MAD1L1: variants seen among roughly 807,000 people sequenced by gnomAD.
MAD1L1 encodes the protein mitotic arrest deficient 1 like 1, also known as mitotic spindle assembly checkpoint protein MAD1.
A neutral mutation model predicts 96.9 loss-of-function variants in MAD1L1; 95 were observed. The ratio of observed to expected loss-of-function variants is 0.98; its 90% CI spans 0.83 to 1.16. The LOEUF (loss-of-function observed/expected upper bound fraction) is 1.16, where lower values mean the gene tolerates loss of function less well. Ranked by LOEUF, MAD1L1 falls within the 50% of genes most tolerant of loss-of-function variation. MAD1L1 has a pLI of 0.00. For missense variants in MAD1L1, 1,007 were observed against 954.4 expected (o/e 1.06, Z -0.73); for synonymous variants, 473 against 396.6 (o/e 1.19, Z -2.29).
Position 1,839,356 on chromosome 7 carries a change from G to T in MAD1L1, c.1999-23128C>A, listed in dbSNP as rs142878189. Among the ~76,000 whole-genome samples, 160 of 59,028 alleles carry T rather than the reference G, an allele frequency of 2.7e-3. 1 individual carries two copies. Among genetic ancestry groups the T allele is most frequent in the African/African-American group, 9.0e-3 (150 of 16,736 alleles). 38.7% of individuals were successfully genotyped at this position (59,028 alleles called of 152,430 possible). On this transcript the variant is annotated intron_variant, in intron 18 of 18. Coordinates refer to ENST00000265854, the MANE Select transcript of MAD1L1 (RefSeq NM_001013836.2). ...AAAGCGTCCTGCCCCCTGCCTGGCA[G>T]GAAAGCGTCCTGCCCCCTGCCTGGC...
At chr7:2,216,359 A>T in intron 7 of MAD1L1, 72 bp from the exon 8 acceptor site, 1 of 1,500,646 alleles carries the variant, frequency 6.7e-7, no homozygotes, top group Non-Finnish European at 9.0e-7. Flanking sequence ...TCACACGCAC[A>T]CGGCTAAGAG....
chr7:1,911,912 G>A (rs773664515), intron 17 of MAD1L1, among the ~76,000 whole-genome samples: 4 of 152,262 alleles, frequency 2.6e-5, no homozygotes, highest in Non-Finnish European at 4.4e-5. Context: ...CACTGTGTGA[G>A]CTGCCTGAAG....
chr7:2,230,466 T>A (rs1794138229), intron 2 of MAD1L1, 83 bp downstream of exon 2: 1 of 256,982 alleles, frequency 3.9e-6, no homozygotes, highest in Non-Finnish European at 7.7e-6. Context: ...AACTGCACTG[T>A]AAGAGGGTTC....
At chr7:1,950,081 G>A (rs917781955) in intron 16 of MAD1L1, among the ~76,000 whole-genome samples, 17 of 36,252 alleles carry the variant, frequency 4.7e-4, no homozygotes, top group Non-Finnish European at 2.4e-3. Context: ...ACTACTAGAC[G>A]ATCTCTAGAC....
At chr7:1,946,796 G>A (rs1048232048) in intron 16 of MAD1L1, among the ~76,000 whole-genome samples, 1 of 152,264 alleles carries the variant, frequency 6.6e-6, no homozygotes, top group Non-Finnish European at 1.5e-5. Context: ...AAGCGGTCTT[G>A]GAGGGGTCTG....
intron 10 of MAD1L1, among the ~76,000 whole-genome samples, chr7:2,196,039 C>A (rs932947641): frequency 6.6e-6 from 1 of 152,232 alleles, no homozygotes; most frequent in Admixed American, 6.5e-5. Flanking sequence ...CACCATGTGG[C>A]CAGCCAGATG....
In MAD1L1 at chr7:2,114,420, C is replaced by G. The variant is rs1334683838; in HGVS notation, c.1073+34732G>C. ...GCCAACACCAGAGGACGCCATCCTCCTTAAGGCCACAAAGTGTATGGTCCT... is the reference window on the plus strand; with the variant it reads ...GCCAACACCAGAGGACGCCATCCTCGTTAAGGCCACAAAGTGTATGGTCCT... On this transcript the variant is annotated intron_variant, in intron 11 of 18. Transcript: ENST00000265854. The surrounding 1 kb of genome is among the most constrained non-coding windows in gnomAD (Gnocchi z 4.2). Among the ~76,000 whole-genome samples, 1 of 152,226 alleles carries G rather than the reference C, an allele frequency of 6.6e-6. No individual in the cohort carries two copies. Among genetic ancestry groups the G allele is most frequent in the Non-Finnish European group, 1.5e-5 (1 of 68,036 alleles).
chr7:2,022,349 TA>T (rs1175011188), intron 12 of MAD1L1, among the ~76,000 whole-genome samples: 1 of 152,180 alleles, frequency 6.6e-6, no homozygotes, highest in Non-Finnish European at 1.5e-5. Context: ...AACTCTAGGA[TA>T]ATTCTGTGCT....
intron 11 of MAD1L1, among the ~76,000 whole-genome samples, chr7:2,128,711 C>T (rs1157571755): frequency 1.3e-5 from 2 of 152,156 alleles, no homozygotes; most frequent in Non-Finnish European, 1.5e-5. Flanking sequence ...CACAGAGGGG[C>T]TGAAACCGGC....
At chr7:2,190,266 C>T (rs1223885506) in intron 10 of MAD1L1, among the ~76,000 whole-genome samples, 1 of 152,136 alleles carries the variant, frequency 6.6e-6, no homozygotes, top group East Asian at 1.9e-4. Context: ...GGCTGACAGG[C>T]TTTCATCAGA....
At chr7:2,102,214 C>A (rs1257130274) in intron 11 of MAD1L1, among the ~76,000 whole-genome samples, 1 of 151,362 alleles carries the variant, frequency 6.6e-6, no homozygotes, top group Non-Finnish European at 1.5e-5. Context: ...ACCGTCACCA[C>A]CGCCACCGTC....
intron 16 of MAD1L1, 58 bp downstream of exon 16, chr7:1,957,571 C>T (rs952700341): frequency 1.1e-4 from 163 of 1,548,122 alleles, no homozygotes; most frequent in African/African-American, 3.7e-4. Flanking sequence ...TCGTTCACGA[C>T]GCCCAAAGAA....
chr7:1,816,520 C>T (rs2128617631), intron 18 of MAD1L1, among the ~76,000 whole-genome samples: 1 of 152,314 alleles, frequency 6.6e-6, no homozygotes, highest in South Asian at 2.1e-4. Context: ...GCTCCTTCCT[C>T]CACCTGGGGG....
rs531431998 is a variant in MAD1L1 at position 2,083,778 on chromosome 7, G to A, written c.1074-14440C>T. Among the ~76,000 whole-genome samples the A allele has an allele frequency of 8.5e-5, 13 of 152,362 alleles. No homozygotes were observed. The East Asian group carries it at 2.3e-3, about 27-fold the overall frequency. ...CAGTTCTTCAGGGAAAAGCACGTGG[G>A]AAGAAACAGATCTGTTCCTGATACT... On this transcript the variant is annotated intron_variant, in intron 11 of 18. Transcript: ENST00000265854.
intron 18 of MAD1L1, among the ~76,000 whole-genome samples, chr7:1,864,734 A>G (rs1399898147): frequency 1.3e-5 from 2 of 152,078 alleles, no homozygotes; most frequent in Admixed American, 6.5e-5. Context: ...CCTCGTGAAC[A>G]GACTGGCCCC....
In MAD1L1 at chr7:1,887,888, T is replaced by TGTGCATGCGTGGTTGC. The variant is rs1562492005; in HGVS notation, c.1998+10311_1998+10312insGCAACCACGCATGCAC. On this transcript the variant is annotated intron_variant, in intron 18 of 18. Coordinates refer to ENST00000265854, the MANE Select transcript of MAD1L1 (RefSeq NM_001013836.2). ...GTGTGTGTGCAAGCATGCGTGTGTG[T>TGTGCATGCGTGGTTGC]GGCTGCCTGTGCATGTGTGTGCATG... Among the ~76,000 whole-genome samples, 39 of 152,074 alleles carry TGTGCATGCGTGGTTGC rather than the reference T, an allele frequency of 2.6e-4. 1 individual carries two copies. The highest frequency in any genetic ancestry group is 8.9e-4 in the African/African-American group (37 of 41,474).
At chr7:2,113,481 G>A (rs1021996850) in intron 11 of MAD1L1, among the ~76,000 whole-genome samples, 6 of 152,314 alleles carry the variant, frequency 3.9e-5, no homozygotes, top group Admixed American at 3.3e-4. Flanking sequence ...TTGGGAGGCC[G>A]AGGCAGGAGA....
At chr7:2,092,726 C>T (rs879495434) in intron 11 of MAD1L1, among the ~76,000 whole-genome samples, 1 of 152,160 alleles carries the variant, frequency 6.6e-6, no homozygotes, top group Non-Finnish European at 1.5e-5. Context: ...TAAATATTTT[C>T]TCCCATTCTG....
chr7:2,142,717 G>A lies in MAD1L1; in HGVS notation c.1073+6435C>T, dbSNP rs150415534. 2.1e-3 allele frequency among the ~76,000 whole-genome samples: 313 copies of A among 152,342 alleles called. 2 individuals carry two copies. Among genetic ancestry groups the A allele is most frequent in the African/African-American group, 7.1e-3 (294 of 41,568 alleles). The stretch of plus-strand genomic sequence containing the variant: ...ATTTACATCGAGTGGCGCCAAAGCC[G>A]AACGGACGCAACAAGGCCTCTGGCC... On this transcript the variant is annotated intron_variant, in intron 11 of 18. Transcript: ENST00000265854. This position sits in a 1 kb window ranked among gnomAD's most constrained non-coding sequence, Gnocchi z 4.7.
Sources: gnomAD v4.1 joint callset for allele counts (sites outside exome capture counted in the v4.1 genomes callset) on GRCh38, gnomAD v4.1.1 for gene constraint, Gnocchi (gnomAD v3.1) non-coding constraint, MANE v1.5 for transcripts, NCBI Gene and HGNC (gene_info 2026-07-23, HGNC 2026-07-21) for gene names.